The following PDE4D variants were observed in gnomAD, a reference collection of about 807,000 sequenced individuals.
The protein encoded by PDE4D is phosphodiesterase 4D.
Under a neutral mutation model 87.4 loss-of-function variants are expected in PDE4D, and 24 were observed. The observed-to-expected ratio is 0.27, with a 90% CI of 0.20 to 0.39. PDE4D has a LOEUF of 0.39. Ranked by LOEUF, PDE4D falls within the 10% of genes least tolerant of loss-of-function variation. PDE4D has a pLI of 1.00. For synonymous variants in PDE4D, 384 were observed against 383.2 expected (o/e 1.00, Z -0.02); for missense variants, 714 against 1,041.0 (o/e 0.69, Z 4.32).
chr5:59,270,656 C>T, intron 1 of PDE4D, among the ~76,000 whole-genome samples: 1 of 152,148 alleles, frequency 6.6e-6, no homozygotes, highest in East Asian at 1.9e-4. Context: ...TTTCAACAAC[C>T]AACAACGTCA....
At chr5:59,115,934 A>G (rs1773530538) in intron 5 of PDE4D, among the ~76,000 whole-genome samples, 1 of 152,188 alleles carries the variant, frequency 6.6e-6, no homozygotes, top group Non-Finnish European at 1.5e-5. Flanking sequence ...TAACTTTGCA[A>G]TGATTTTGGT....
At chr5:59,753,169 C>G (rs926923261) in intron 1 of PDE4D, among the ~76,000 whole-genome samples, 3 of 152,058 alleles carry the variant, frequency 2.0e-5, no homozygotes, top group Non-Finnish European at 4.4e-5. Context: ...ATTAATGAGA[C>G]AGTATAAGTA....
In PDE4D at chr5:59,689,058, T is replaced by C. The variant is rs370150283; in HGVS notation, c.455+204110A>G. Among the ~76,000 whole-genome samples the C allele has an allele frequency of 3.2e-4, 48 of 152,260 alleles. No homozygotes were observed. In the East Asian group the frequency reaches 5.6e-3, roughly 18 times the overall value. ...CCCTCAATAGACCAATAACAGGCTC[T>C]GAAATTGAGGCAATAATTAATAGCC... is the stretch of plus-strand genomic sequence containing the variant. On this transcript the variant is annotated intron_variant, in intron 1 of 14. Coordinates refer to ENST00000340635, the MANE Select transcript of PDE4D (RefSeq NM_001104631.2).
chr5:59,705,782 A>C (rs1268970519), intron 1 of PDE4D, among the ~76,000 whole-genome samples: 1 of 152,154 alleles, frequency 6.6e-6, no homozygotes, highest in Non-Finnish European at 1.5e-5. Context: ...AGTTTGAGGG[A>C]ATCATGCTTG....
chr5:60,104,582 C>G (rs984662334), intron 2 of PDE4D, among the ~76,000 whole-genome samples: 1 of 152,206 alleles, frequency 6.6e-6, no homozygotes, highest in Non-Finnish European at 1.5e-5. Flanking sequence ...TGACCCCTGA[C>G]CCCCGAGCAG....
intron 1 of PDE4D, among the ~76,000 whole-genome samples, chr5:59,683,542 A>T (rs1580390839): frequency 1.3e-5 from 2 of 152,186 alleles, no homozygotes; most frequent in African/African-American, 4.8e-5. Flanking sequence ...TTGATACCTT[A>T]CATATTTCGA....
intron 2 of PDE4D, among the ~76,000 whole-genome samples, chr5:60,087,543 A>G (rs1033931110): frequency 2.8e-4 from 43 of 152,326 alleles, no homozygotes; most frequent in African/African-American, 9.9e-4. Context: ...AAATTTCACA[A>G]AAATAAAAAC....
intron 1 of PDE4D, among the ~76,000 whole-genome samples, chr5:60,458,386 CAAA>C (rs61006284): frequency 5.3e-5 from 4 of 75,186 alleles, no homozygotes; most frequent in African/African-American, 1.7e-4. Flanking sequence ...GACTTCATTG[CAAA>C]AAAAAAAAAA....
chr5:59,862,052 C>T (rs1457479630), intron 1 of PDE4D, among the ~76,000 whole-genome samples: 4 of 152,100 alleles, frequency 2.6e-5, no homozygotes, highest in Non-Finnish European at 4.4e-5. Flanking sequence ...TTCTCACTGC[C>T]CAGGGGACCA....
intron 1 of PDE4D, among the ~76,000 whole-genome samples, chr5:60,328,429 A>G (rs1432005688): frequency 6.6e-6 from 1 of 151,304 alleles, no homozygotes; most frequent in Non-Finnish European, 1.5e-5. Context: ...CTCTTTTTTA[A>G]TTGATTTAGT....
intron 3 of PDE4D, among the ~76,000 whole-genome samples, chr5:59,926,192 T>C (rs1218177188): frequency 1.3e-5 from 2 of 151,738 alleles, no homozygotes; most frequent in Admixed American, 1.3e-4. Context: ...AGAACAAAAC[T>C]AGAAATCAAT....
chr5:59,163,739 G>T (rs1781502538), intron 5 of PDE4D, among the ~76,000 whole-genome samples: 1 of 152,162 alleles, frequency 6.6e-6, no homozygotes, highest in Non-Finnish European at 1.5e-5. Flanking sequence ...GGCAACTGGG[G>T]TATATTCCTA....
chr5:60,045,320 C>G (rs1232588517), intron 2 of PDE4D, among the ~76,000 whole-genome samples: 5 of 151,930 alleles, frequency 3.3e-5, no homozygotes, highest in Non-Finnish European at 5.9e-5. Context: ...GTTGCCTGTT[C>G]ACTCTGATGG....
At chr5:59,200,210 TAC>T (rs1307568941) in intron 2 of PDE4D, among the ~76,000 whole-genome samples, 1 of 146,708 alleles carries the variant, frequency 6.8e-6, no homozygotes, top group Admixed American at 6.7e-5. Context: ...TATGTATAGA[TAC>T]ACGTGTATGT....
intron 1 of PDE4D, among the ~76,000 whole-genome samples, chr5:59,710,599 G>T (rs1454173832): frequency 6.7e-6 from 1 of 149,948 alleles, no homozygotes; most frequent in African/African-American, 2.5e-5. Flanking sequence ...AAATAAAATA[G>T]TAAGAAACAG....
chr5:59,852,667 G>A (rs1321724496), intron 1 of PDE4D, among the ~76,000 whole-genome samples: 1 of 152,020 alleles, frequency 6.6e-6, no homozygotes. Context: ...GAAACTGTGG[G>A]CATAATAAAA....
intron 2 of PDE4D, among the ~76,000 whole-genome samples, chr5:60,081,168 G>C (rs1391176835): frequency 6.6e-6 from 1 of 151,876 alleles, no homozygotes; most frequent in East Asian, 1.9e-4. Context: ...TATTTGCATA[G>C]AAGTGTTTAT....
chr5:59,201,005 A>G (rs1027024386), intron 2 of PDE4D, among the ~76,000 whole-genome samples: 1 of 152,134 alleles, frequency 6.6e-6, no homozygotes, highest in African/African-American at 2.4e-5. Flanking sequence ...TTCTTTTAAA[A>G]TATTGTTAAT....
chr5:60,264,775 A>T (rs1427274946), intron 1 of PDE4D, among the ~76,000 whole-genome samples: 1 of 152,190 alleles, frequency 6.6e-6, no homozygotes, highest in African/African-American at 2.4e-5. Flanking sequence ...GTTAGAGGTG[A>T]CGTGCACACC....
Sources: allele counts gnomAD v4.1 joint callset (sites outside exome capture counted in the v4.1 genomes callset), GRCh38; gene constraint gnomAD v4.1.1; transcripts MANE v1.5; gene names NCBI Gene and HGNC (gene_info 2026-07-23, HGNC 2026-07-21).